ZFYVE9: variants seen among roughly 807,000 people sequenced by gnomAD.
ZFYVE9 encodes zinc finger FYVE domain-containing protein 9.
ZFYVE9 carries 43 observed loss-of-function variants against 126.7 expected under a neutral mutation model. The observed-to-expected ratio is 0.34, with a 90% CI of 0.27 to 0.44. The LOEUF (loss-of-function observed/expected upper bound fraction) is 0.44, where lower values mean the gene tolerates loss of function less well. Ranked by LOEUF, ZFYVE9 falls within the 20% of genes least tolerant of loss-of-function variation. The probability of loss-of-function intolerance (pLI) is 1.00; values close to 1 mark genes in which losing one functional copy is unlikely to be tolerated. For missense variants in ZFYVE9, 1,476 were observed against 1,697.0 expected, an observed-to-expected ratio of 0.87 and a Z score of 2.29; for synonymous variants, 521 against 597.4, an observed-to-expected ratio of 0.87 and a Z score of 1.87.
chr1:52,321,264 C>T lies in ZFYVE9; in HGVS notation c.3439-11504C>T, dbSNP rs183344140. ...ATAATTTCATAGGTTCTTTGTAGCACTGGCGAGAACAGATGGCGCTAAAAT... is the reference window on the plus strand; with the variant it reads ...ATAATTTCATAGGTTCTTTGTAGCATTGGCGAGAACAGATGGCGCTAAAAT... On this transcript the variant is annotated intron_variant, in intron 13 of 18. Coordinates refer to ENST00000287727, the MANE Select transcript of ZFYVE9 (RefSeq NM_004799.4). 7.2e-5 allele frequency among the ~76,000 whole-genome samples: 11 copies of T among 152,290 alleles called. No individual in the cohort carries two copies. The East Asian group carries it at 2.1e-3, about 29-fold the overall frequency.
At chr1:52,264,117 T>C in intron 5 of ZFYVE9, 1 of 255,872 alleles carries the variant, frequency 3.9e-6, no homozygotes, top group Non-Finnish European at 7.5e-6. Flanking sequence ...ATGGAAGTTC[T>C]TTGGAAATCT....
chr1:52,293,206 G>A lies in ZFYVE9; in HGVS notation c.3026-247G>A, dbSNP rs926984816. Among the ~76,000 whole-genome samples, 12 of 151,664 alleles carry A rather than the reference G, an allele frequency of 7.9e-5. No individual in the cohort carries two copies. In the East Asian group the frequency reaches 1.8e-3, roughly 22 times the overall value. ...ATCCTGGCTAACACGGTGAAACCCC[G>A]TCTCCACTAAAAATACAAAAAAGTT... is the stretch of plus-strand genomic sequence containing the variant. On this transcript the variant is annotated intron_variant, in intron 10 of 18. Coordinates refer to ENST00000287727, the MANE Select transcript of ZFYVE9 (RefSeq NM_004799.4).
intron 13 of ZFYVE9, among the ~76,000 whole-genome samples, chr1:52,325,070 G>A (rs12042094): frequency 1.3e-5 from 2 of 152,194 alleles, no homozygotes; most frequent in Admixed American, 1.3e-4. Context: ...ATGAGGTCAG[G>A]AGATCAAGAC....
chr1:52,291,648 C>CG (rs1645921423), intron 10 of ZFYVE9, among the ~76,000 whole-genome samples: 1 of 151,966 alleles, frequency 6.6e-6, no homozygotes, highest in African/African-American at 2.4e-5. Flanking sequence ...GAGGCCAAGG[C>CG]GGGTGGATTA....
intron 17 of ZFYVE9, among the ~76,000 whole-genome samples, chr1:52,341,511 A>T (rs965350594): frequency 6.6e-6 from 1 of 152,242 alleles, no homozygotes; most frequent in Admixed American, 6.5e-5. Flanking sequence ...AAAAAATTTT[A>T]AAAGTTCTCG....
In ZFYVE9 at chr1:52,310,938, G is replaced by A. The variant is rs528558918; in HGVS notation, c.3438+7013G>A. 1.2e-4 allele frequency among the ~76,000 whole-genome samples: 19 copies of A among 152,146 alleles called. No individual in the cohort carries two copies. The South Asian group carries it at 3.5e-3, about 28-fold the overall frequency. On this transcript the variant is annotated intron_variant, in intron 13 of 18. Transcript: ENST00000287727. ...CAGGCAGGAGTGCAGTGGTGTAATC[G>A]TAGCTCACTGGTAGCCTCCTGGGAT...
At chr1:52,186,812 A>G (rs1468055896) in intron 1 of ZFYVE9, among the ~76,000 whole-genome samples, 1 of 152,234 alleles carries the variant, frequency 6.6e-6, no homozygotes, top group Non-Finnish European at 1.5e-5. Flanking sequence ...GCTCAAAGAA[A>G]TCAGAGATGA....
Position 52,272,673 on chromosome 1 carries a change from C to CTTTTTTTTTTTTTTTTTTTT in ZFYVE9, c.2626-1790_2626-1771dup, listed in dbSNP as rs58857376. Among the ~76,000 whole-genome samples, 28 of 121,256 alleles carry CTTTTTTTTTTTTTTTTTTTT rather than the reference C, an allele frequency of 2.3e-4. 2 individuals are homozygous for CTTTTTTTTTTTTTTTTTTTT. Among genetic ancestry groups the CTTTTTTTTTTTTTTTTTTTT allele is most frequent in the East Asian group, 1.2e-3 (5 of 4,204 alleles). 79.5% of individuals were successfully genotyped at this position (121,256 alleles called of 152,430 possible). A position where few individuals can be genotyped will look rare whatever the true frequency, so the allele number is the denominator to read the frequency against. ...ATGAAATGAAGCTGCTAGAAATAAT[C>CTTTTTTTTTTTTTTTTTTTT]TTTTTTTTTTTTTTTTTTTTGAGTC... On this transcript the variant is annotated intron_variant, in intron 7 of 18. Transcript: ENST00000287727.
At chr1:52,210,504 A>C (rs1174086988) in intron 1 of ZFYVE9, among the ~76,000 whole-genome samples, 1 of 152,128 alleles carries the variant, frequency 6.6e-6, no homozygotes, top group African/African-American at 2.4e-5. Context: ...TCTTCTCTTT[A>C]AAATGTTTAT....
intron 1 of ZFYVE9, among the ~76,000 whole-genome samples, chr1:52,213,949 A>G (rs1645049890): frequency 6.6e-6 from 1 of 152,146 alleles, no homozygotes; most frequent in Non-Finnish European, 1.5e-5. Flanking sequence ...TGGCTGGAAT[A>G]TGATACAAAG....
intron 17 of ZFYVE9, among the ~76,000 whole-genome samples, chr1:52,340,904 C>CAAAAA (rs10608842): frequency 6.0e-5 from 6 of 100,696 alleles, no homozygotes; most frequent in South Asian, 3.3e-4. Flanking sequence ...GACTCCGTCT[C>CAAAAA]AAAAAAAAAA....
At chr1:52,290,900 A>G (rs1645913005) in intron 10 of ZFYVE9, among the ~76,000 whole-genome samples, 1 of 152,176 alleles carries the variant, frequency 6.6e-6, no homozygotes. Context: ...GGAATTTAAT[A>G]TAGTTTCTCC....
At position 52,288,831 on chromosome 1, in the gene ZFYVE9, C is replaced by T. The variant is rs531378536; in HGVS notation, c.3026-4622C>T. 3.3e-4 allele frequency among the ~76,000 whole-genome samples: 47 copies of T among 142,558 alleles called. No homozygotes were observed. The South Asian group carries it at 3.5e-3, about 10-fold the overall frequency. The allele number at this position is 142,558 out of a possible 152,430, so 93.5% of individuals were successfully genotyped here. On this transcript the variant is annotated intron_variant, in intron 10 of 18. Coordinates refer to ENST00000287727, the MANE Select transcript of ZFYVE9 (RefSeq NM_004799.4). ...GTCCCAACTACTTGGGAAGCTCAGG[C>T]GGGAGAATCAATTGAACCCGGGAGG...
At chr1:52,168,794 G>A (rs1212007139) in intron 1 of ZFYVE9, among the ~76,000 whole-genome samples, 1 of 152,098 alleles carries the variant, frequency 6.6e-6, no homozygotes, top group African/African-American at 2.4e-5. Context: ...AGGATTACAG[G>A]TATGAGCCAC....
At chr1:52,224,578 T>C (rs1217650081) in intron 2 of ZFYVE9, among the ~76,000 whole-genome samples, 4 of 152,134 alleles carry the variant, frequency 2.6e-5, no homozygotes, top group African/African-American at 9.7e-5. Flanking sequence ...ACATATCCAG[T>C]CCTCATTTTA....
chr1:52,338,360 T>C (rs1646407238), intron 16 of ZFYVE9, among the ~76,000 whole-genome samples: 1 of 152,232 alleles, frequency 6.6e-6, no homozygotes, highest in African/African-American at 2.4e-5. Flanking sequence ...AGACTAGCTC[T>C]GAAAACCACC....
At chr1:52,334,106 A>G (rs1290004119) in intron 14 of ZFYVE9, among the ~76,000 whole-genome samples, 2 of 152,156 alleles carry the variant, frequency 1.3e-5, no homozygotes, top group Non-Finnish European at 1.5e-5. Flanking sequence ...AAAAAAAAAA[A>G]AAACTTAGCA....
chr1:52,317,240 C>T (rs556882226), intron 13 of ZFYVE9, among the ~76,000 whole-genome samples: 4 of 152,030 alleles, frequency 2.6e-5, no homozygotes, highest in African/African-American at 9.6e-5. Context: ...AAAAAAAGGC[C>T]AGGTGCGGTG....
intron 1 of ZFYVE9, among the ~76,000 whole-genome samples, chr1:52,165,946 C>G (rs192929176): frequency 3.3e-5 from 5 of 152,212 alleles, no homozygotes; most frequent in Non-Finnish European, 5.9e-5. Context: ...GACTCTCCTG[C>G]TATTTGTGCT....
Sources: gnomAD v4.1 joint callset for allele counts (sites outside exome capture counted in the v4.1 genomes callset) on GRCh38, gnomAD v4.1.1 for gene constraint, MANE v1.5 for transcripts, NCBI Gene and HGNC (gene_info 2026-07-23, HGNC 2026-07-21) for gene names.